The following GNS variants were observed in gnomAD, a reference collection of about 807,000 sequenced individuals.
GNS encodes the protein glucosamine (N-acetyl)-6-sulfatase.
Under a neutral mutation model 69.7 loss-of-function variants are expected in GNS, and 40 were observed. The ratio of observed to expected loss-of-function variants is 0.57; its 90% CI spans 0.45 to 0.75. GNS has a LOEUF of 0.75. Among genes scored for constraint, GNS ranks in the 30% least tolerant of loss-of-function variants. GNS has a pLI of 0.00. For missense variants in GNS, 565 were observed against 685.5 expected, an observed-to-expected ratio of 0.82 and a Z score of 1.96; for synonymous variants, 243 against 251.6, an observed-to-expected ratio of 0.97 and a Z score of 0.32.
At chr12:64,735,642 A>T (rs779213767) in intron 9 of GNS, among the ~76,000 whole-genome samples, 5 of 152,240 alleles carry the variant, frequency 3.3e-5, no homozygotes, top group Non-Finnish European at 5.9e-5. Context: ...CCTCCTTCCC[A>T]TGTGGGCTGA....
At position 64,745,649 on chromosome 12, in the gene GNS, A is replaced by G. The variant is rs375745502; in HGVS notation, c.525+10T>C. 2 of 1,507,524 alleles carry G rather than the reference A, an allele frequency of 1.3e-6. No homozygotes were observed. Among genetic ancestry groups the G allele is most frequent in the Non-Finnish European group, 1.8e-6 (2 of 1,082,708 alleles). 93.4% of individuals were successfully genotyped at this position (1,507,524 alleles called of 1,614,324 possible). On this transcript the variant is annotated intron_variant, in intron 4 of 13. Coordinates refer to ENST00000258145, the MANE Select transcript of GNS (RefSeq NM_002076.4). ...GCATAAAATTGTCACAGACTTCAATAATCACTCACCAAGGCATACCAGTAA... is the reference window on the plus strand; with the variant it reads ...GCATAAAATTGTCACAGACTTCAATGATCACTCACCAAGGCATACCAGTAA...
At chr12:64,749,729 A>G (rs189041785) in intron 2 of GNS, among the ~76,000 whole-genome samples, 459 of 152,140 alleles carry the variant, frequency 3.0e-3, no homozygotes, top group African/African-American at 0.011. Context: ...AATACTTCCC[A>G]TTTTTACTTT....
intron 2 of GNS, among the ~76,000 whole-genome samples, chr12:64,750,856 G>A (rs1870054956): frequency 6.6e-6 from 1 of 152,114 alleles, no homozygotes; most frequent in African/African-American, 2.4e-5. Flanking sequence ...AGTCTTCAGT[G>A]AGCTACGTCA....
chr12:64,740,784 T>C (rs1869706906), intron 6 of GNS, 96 bp from the exon 7 acceptor site: 1 of 728,640 alleles, frequency 1.4e-6, no homozygotes, highest in African/African-American at 1.7e-5. Context: ...ACCGTTTCAC[T>C]CATACTTCAG....
intron 6 of GNS, among the ~76,000 whole-genome samples, chr12:64,742,415 T>G (rs564157024): frequency 6.6e-6 from 1 of 152,250 alleles, no homozygotes; most frequent in Non-Finnish European, 1.5e-5. Flanking sequence ...ATTGTTTCTA[T>G]GTACTTGAAT....
At position 64,759,242 on chromosome 12, in the gene GNS, C is replaced by T. The variant is rs2136259563; in HGVS notation, c.35G>A (p.Arg12Gln). The T allele has an allele frequency of 1.1e-5, 17 of 1,542,282 alleles. No individual in the cohort carries two copies. The highest frequency in any genetic ancestry group is 1.5e-5 in the Non-Finnish European group (17 of 1,143,344). ...GGGCAGGTGGCGGGGGCTGCCCCGC[C>T]GGAGCCGACCTGGGGCTAGAGGCAG... ...RLLPLAPGRL[R>Q]RGSPRHLPSC... Residue 12 changes from arginine (R) to glutamine (Q), a missense_variant, in exon 1 of 14, where the codon CGG becomes CAG. Around this residue, in one of 2 missense-constraint regions of GNS, gnomAD observed 181 missense variants for 174.4 expected, o/e 1.04. Coordinates refer to ENST00000258145, the MANE Select transcript of GNS (RefSeq NM_002076.4).
rs1203435931 is a variant in GNS at position 64,749,279 on chromosome 12, T to TTCTCGCTCTA, written c.253-1371_253-1362dup. Among the ~76,000 whole-genome samples, 3 of 99,300 alleles carry TTCTCGCTCTA rather than the reference T, an allele frequency of 3.0e-5. No individual in the cohort carries two copies. The East Asian group carries it at 1.1e-3, about 36-fold the overall frequency. The allele number at this position is 99,300 out of a possible 152,430, so 65.1% of individuals were successfully genotyped here. On this transcript the variant is annotated intron_variant, in intron 2 of 13. Transcript: ENST00000258145. ...TTTTTTTTTTTTTTTTTGAGACACA[T>TTCTCGCTCTA]TCTCGCTCTATTGCCCAGGCTGGAG...
At position 64,740,730 on chromosome 12, in the gene GNS, C is replaced by T. The variant is rs1481102069; in HGVS notation, c.793-42G>A. Reference sequence around the variant, plus strand: ...AAAAAATGTTAACACCAAGTCACCACAGTCAAACAAACTACTGGATTACTA... The same window carrying T: ...AAAAAATGTTAACACCAAGTCACCATAGTCAAACAAACTACTGGATTACTA... On this transcript the variant is annotated intron_variant, in intron 6 of 13. Transcript: ENST00000258145. 1.6e-5 allele frequency: 15 copies of T among 922,712 alleles called. No individual in the cohort carries two copies. In the African/African-American group the frequency reaches 1.9e-4, roughly 12 times the overall value. 57.2% of individuals were successfully genotyped at this position (922,712 alleles called of 1,614,324 possible). A position where few individuals can be genotyped will look rare whatever the true frequency, so the allele number is the denominator to read the frequency against.
chr12:64,747,758 G>T lies in GNS; in HGVS notation c.413C>A (p.Ser138Ter). Residue 138 changes from serine to a stop codon, truncating the protein, a stop_gained, in exon 3 of 14, where the codon TCA becomes TAA. Coordinates refer to ENST00000258145, the MANE Select transcript of GNS (RefSeq NM_002076.4). LOFTEE classifies it high-confidence loss of function. ...EPNTFPAILR[S>*]MCGYQTFFAG... is the part of the protein sequence containing the mutation. ...AAAAAAGGTCTGATAACCACACATT[G>T]ATCTGAGAATTGCTGGGAAAGTATT... The T allele has an allele frequency of 1.9e-6, 3 of 1,612,416 alleles. No individual in the cohort carries two copies. The highest frequency in any genetic ancestry group is 2.5e-6 in the Non-Finnish European group (3 of 1,178,472).
At position 64,715,942 on chromosome 12, in the gene GNS, G is replaced by C. The variant is rs1364047801; in HGVS notation, c.*799C>G. 6.6e-6 allele frequency: 1 copy of C among 152,456 alleles called. No individual in the cohort carries two copies. The highest frequency in any genetic ancestry group is 1.9e-4 in the East Asian group (1 of 5,192). 9.4% of individuals were successfully genotyped at this position (152,456 alleles called of 1,614,324 possible). A position where few individuals can be genotyped will look rare whatever the true frequency, so the allele number is the denominator to read the frequency against. ...AAGCCACTTCATTTTTCAGATCTCA[G>C]AGGGGAGTCTCAAGAGAAGGGACCT... is the stretch of plus-strand genomic sequence containing the variant. On this transcript the variant is annotated 3_prime_UTR_variant, in exon 14 of 14. Transcript: ENST00000258145.
At position 64,750,187 on chromosome 12, in the gene GNS, T is replaced by C. The variant is rs141309602; in HGVS notation, c.253-2269A>G. On this transcript the variant is annotated intron_variant, in intron 2 of 13. Transcript: ENST00000258145. ...TCAGCCTCCCAAGTAGCTGGGCTCA[T>C]AGGCGCTCGCCACCACGCCCGGCTA... 7.4e-3 allele frequency among the ~76,000 whole-genome samples: 1,123 copies of C among 151,946 alleles called. 16 individuals carry two copies. The highest frequency in any genetic ancestry group is 0.025 in the African/African-American group (1,042 of 41,442).
chr12:64,750,709 C>T (rs946502940), intron 2 of GNS, among the ~76,000 whole-genome samples: 2 of 151,722 alleles, frequency 1.3e-5, no homozygotes, highest in African/African-American at 4.8e-5. Context: ...TTGAGACCAG[C>T]CTGAGCAACA....
chr12:64,721,839 A>G (rs767353370), intron 11 of GNS, 134 bp from the exon 12 acceptor site: 24 of 709,522 alleles, frequency 3.4e-5, no homozygotes, highest in Non-Finnish European at 5.4e-5. Flanking sequence ...TTCCATGGGG[A>G]AGCCAGTAAC....
At position 64,743,236 on chromosome 12, in the gene GNS, C is replaced by T; in HGVS notation, c.697G>A (p.Ala233Thr). 1 of 1,612,674 alleles carries T rather than the reference C, an allele frequency of 6.2e-7. No homozygotes were observed. Among genetic ancestry groups the T allele is most frequent in the South Asian group, 1.1e-5 (1 of 91,032 alleles). ...GCAGCTGTCCAAGGCGAATGAGGCG[C>T]TGGAGTGGCGATCATCATGAAGAAG... ...EPFFMMIATP[A>T]PHSPWTAAPQ... The change falls in exon 6 of 14, where the codon GCG (alanine) becomes ACG (threonine). Residue 233 changes from alanine (A) to threonine (T), a missense_variant. Physicochemically the swap from Ala to Thr is moderately conservative, Grantham distance 58. Transcript: ENST00000258145.
rs1379000550 is a variant in GNS at position 64,714,950 on chromosome 12, T to C, written c.*1791A>G. 4 of 152,776 alleles carry C rather than the reference T, an allele frequency of 2.6e-5. No individual in the cohort carries two copies. The East Asian group carries it at 7.7e-4, about 29-fold the overall frequency. The allele number at this position is 152,776 out of a possible 1,614,324, so 9.5% of individuals were successfully genotyped here. ...CACCTCTAGATACCACCACAGTTGCTGGGGTCATGTGAGGTAAAGGAATAT... is the reference window on the plus strand; with the variant it reads ...CACCTCTAGATACCACCACAGTTGCCGGGGTCATGTGAGGTAAAGGAATAT... On this transcript the variant is annotated 3_prime_UTR_variant, in exon 14 of 14. Transcript: ENST00000258145.
intron 12 of GNS, among the ~76,000 whole-genome samples, 175 bp from the exon 13 acceptor site, chr12:64,720,357 CT>C (rs1436754396): frequency 6.6e-6 from 1 of 152,056 alleles, no homozygotes; most frequent in Non-Finnish European, 1.5e-5. Context: ...TCACTGCTTC[CT>C]TGAGATGAGG....
At chr12:64,738,581 G>T (rs1004478911) in intron 8 of GNS, among the ~76,000 whole-genome samples, 20 of 152,046 alleles carry the variant, frequency 1.3e-4, no homozygotes, top group African/African-American at 4.8e-4. Flanking sequence ...GGGAGGCTGA[G>T]GTAGGCAGAT....
chr12:64,728,874 A>T, intron 10 of GNS, 82 bp downstream of exon 10: 1 of 743,138 alleles, frequency 1.3e-6, no homozygotes, highest in East Asian at 2.7e-5. Flanking sequence ...AGTATTATTT[A>T]ATATTTAAAT....
At chr12:64,738,800 G>A (rs1211957716) in intron 8 of GNS, among the ~76,000 whole-genome samples, 2 of 140,246 alleles carry the variant, frequency 1.4e-5, no homozygotes, top group Non-Finnish European at 3.1e-5. Flanking sequence ...GTGACAGAGC[G>A]AGATTCTGTC....
Sources: gnomAD v4.1 joint callset for allele counts (sites outside exome capture counted in the v4.1 genomes callset) on GRCh38, gnomAD v4.1.1 for gene constraint, gnomAD v4.1.1 regional missense constraint, MANE v1.5 for transcripts, NCBI Gene and HGNC (gene_info 2026-07-23, HGNC 2026-07-21) for gene names.